The following FBXL4 variants were observed in gnomAD, a reference collection of about 807,000 sequenced individuals.
FBXL4 encodes F-box and leucine rich repeat protein 4, also known as F-box/LRR-repeat protein 4.
FBXL4 carries 40 observed loss-of-function variants against 58.9 expected under a neutral mutation model. That is an observed-to-expected ratio of 0.68 (90% CI 0.53 to 0.88). The LOEUF is 0.88. Ranked by LOEUF, FBXL4 falls within the 40% of genes least tolerant of loss-of-function variation. The pLI is 0.00. For synonymous variants in FBXL4, 263 were observed against 265.5 expected (o/e 0.99, Z 0.09); for missense variants, 676 against 734.4 (o/e 0.92, Z 0.92).
At chr6:98,905,768 A>G in intron 5 of FBXL4, 98 bp from the exon 6 acceptor site, 2 of 1,169,258 alleles carry the variant, frequency 1.7e-6, no homozygotes, top group South Asian at 1.5e-5. Context: ...AGTGTCATAC[A>G]TTTTATAACA....
At chr6:98,889,211 C>T (rs182749965) in intron 7 of FBXL4, among the ~76,000 whole-genome samples, 2 of 152,274 alleles carry the variant, frequency 1.3e-5, no homozygotes, top group African/African-American at 2.4e-5. Context: ...ATCAGGGTTC[C>T]GGACCTTCCT....
intron 5 of FBXL4, among the ~76,000 whole-genome samples, chr6:98,911,283 C>G: frequency 6.6e-6 from 1 of 152,206 alleles, no homozygotes; most frequent in South Asian, 2.1e-4. Context: ...GCAGTAACCT[C>G]TGCAGACTTA....
intron 1 of FBXL4, among the ~76,000 whole-genome samples, chr6:98,945,789 A>G (rs1443315117): frequency 1.3e-5 from 2 of 152,148 alleles, no homozygotes; most frequent in African/African-American, 4.8e-5. Flanking sequence ...GAGACACACT[A>G]CAGTTACTAT....
chr6:98,891,677 G>A lies in FBXL4; in HGVS notation c.1317+7591C>T, dbSNP rs1052891270. On this transcript the variant is annotated intron_variant, in intron 7 of 9. Transcript: ENST00000369244. ...AGGCAGGAGGATCACTTGAGCCCAG[G>A]AGGTTGAGACCAGCCTGAGAAACAC... 2.0e-5 allele frequency among the ~76,000 whole-genome samples: 3 copies of A among 148,396 alleles called. No individual in the cohort carries two copies. The East Asian group carries it at 5.9e-4, about 29-fold the overall frequency.
At chr6:98,893,897 A>G (rs1771321410) in intron 7 of FBXL4, among the ~76,000 whole-genome samples, 1 of 152,112 alleles carries the variant, frequency 6.6e-6, no homozygotes, top group Non-Finnish European at 1.5e-5. Flanking sequence ...TTTATTTTTG[A>G]GACAGGGTCT....
At chr6:98,889,633 A>G (rs542891666) in intron 7 of FBXL4, among the ~76,000 whole-genome samples, 3 of 150,504 alleles carry the variant, frequency 2.0e-5, no homozygotes, top group East Asian at 3.9e-4. Context: ...GTGAGCTGAG[A>G]TCACACCACT....
intron 1 of FBXL4, among the ~76,000 whole-genome samples, chr6:98,937,703 T>G (rs1018998503): frequency 6.6e-6 from 1 of 152,192 alleles, no homozygotes; most frequent in East Asian, 1.9e-4. Flanking sequence ...TCTGCCTGAC[T>G]TTTTGCTATT....
chr6:98,882,281 T>C (rs928791333), intron 7 of FBXL4, among the ~76,000 whole-genome samples: 10 of 152,084 alleles, frequency 6.6e-5, no homozygotes, highest in Non-Finnish European at 1.3e-4. Flanking sequence ...TATGGCTCCA[T>C]CCATTCACAT....
chr6:98,888,261 G>A (rs938025443), intron 7 of FBXL4, among the ~76,000 whole-genome samples: 2 of 152,202 alleles, frequency 1.3e-5, no homozygotes, highest in African/African-American at 2.4e-5. Flanking sequence ...ACTCATTAAT[G>A]TATTGTCTGT....
intron 7 of FBXL4, among the ~76,000 whole-genome samples, chr6:98,887,668 T>G (rs967034021): frequency 6.7e-6 from 1 of 149,950 alleles, no homozygotes; most frequent in Non-Finnish European, 1.5e-5. Context: ...AAGAGATTTA[T>G]GTTGAATGAT....
intron 7 of FBXL4, chr6:98,898,413 A>G (rs1410004339): frequency 1.0e-6 from 1 of 985,182 alleles, no homozygotes; most frequent in Non-Finnish European, 1.2e-6. Context: ...AAAACCATGC[A>G]CAGGCTCATG....
chr6:98,912,334 A>T (rs1307171503), intron 5 of FBXL4, among the ~76,000 whole-genome samples: 1 of 152,164 alleles, frequency 6.6e-6, no homozygotes. Flanking sequence ...AACGCCACAA[A>T]TATATTCCTC....
chr6:98,912,599 T>C (rs987240069), intron 5 of FBXL4, among the ~76,000 whole-genome samples: 1 of 151,632 alleles, frequency 6.6e-6, no homozygotes, highest in Non-Finnish European at 1.5e-5. Context: ...GAAGGAGAAA[T>C]AAAATACTTC....
At chr6:98,926,031 C>T (rs887075518) in intron 4 of FBXL4, among the ~76,000 whole-genome samples, 1 of 152,122 alleles carries the variant, frequency 6.6e-6, no homozygotes, top group African/African-American at 2.4e-5. Context: ...ATGGGTGTTG[C>T]AAAAACATTC....
At chr6:98,934,489 A>G (rs1773132906) in intron 2 of FBXL4, among the ~76,000 whole-genome samples, 1 of 152,080 alleles carries the variant, frequency 6.6e-6, no homozygotes, top group African/African-American at 2.4e-5. Flanking sequence ...CTCGTATTAG[A>G]TGTGATATAA....
At chr6:98,937,703 T>C (rs1018998503) in intron 1 of FBXL4, among the ~76,000 whole-genome samples, 5 of 152,192 alleles carry the variant, frequency 3.3e-5, no homozygotes, top group Admixed American at 6.5e-5. Flanking sequence ...TCTGCCTGAC[T>C]TTTTGCTATT....
At chr6:98,942,941 G>C (rs1245883567) in intron 1 of FBXL4, among the ~76,000 whole-genome samples, 1 of 152,110 alleles carries the variant, frequency 6.6e-6, no homozygotes, top group South Asian at 2.1e-4. Flanking sequence ...CCTATTAAGA[G>C]ATAAACCCAA....
chr6:98,891,826 G>A (rs766751139), intron 7 of FBXL4, among the ~76,000 whole-genome samples: 1 of 152,124 alleles, frequency 6.6e-6, no homozygotes, highest in South Asian at 2.1e-4. Context: ...TGAGAGGATG[G>A]GTTAATCAGC....
intron 8 of FBXL4, among the ~76,000 whole-genome samples, chr6:98,876,493 C>A (rs1713431970): frequency 6.6e-6 from 1 of 152,134 alleles, no homozygotes; most frequent in Admixed American, 6.6e-5. Flanking sequence ...TAAACAATTA[C>A]AATGATTATT....
Sources: allele counts gnomAD v4.1 joint callset (sites outside exome capture counted in the v4.1 genomes callset), GRCh38; gene constraint gnomAD v4.1.1; transcripts MANE v1.5; gene names NCBI Gene and HGNC (gene_info 2026-07-23, HGNC 2026-07-21).